Variants in ELMO1 observed in about 807,000 individuals in gnomAD.
ELMO1 encodes engulfment and cell motility protein 1.
In ELMO1, 26 loss-of-function variants were observed where a neutral mutation model predicts 98.9. That is an observed-to-expected ratio of 0.26 (90% CI 0.19 to 0.36). ELMO1 has a LOEUF of 0.36. ELMO1 is among the 10% of genes least tolerant of loss of function. The pLI, the probability that ELMO1 is intolerant of heterozygous loss-of-function variation, is 1.00. For synonymous variants in ELMO1, 346 were observed against 346.0 expected (o/e 1.00, Z 0.00); for missense variants, 627 against 935.2 (o/e 0.67, Z 4.30).
At chr7:36,869,701 G>T (rs1803348257) in intron 20 of ELMO1, among the ~76,000 whole-genome samples, 1 of 152,202 alleles carries the variant, frequency 6.6e-6, no homozygotes. Flanking sequence ...GCGGGCAAAA[G>T]AAATTCTTCT....
At chr7:36,967,728 G>A (rs1789566755) in intron 16 of ELMO1, among the ~76,000 whole-genome samples, 1 of 152,190 alleles carries the variant, frequency 6.6e-6, no homozygotes, top group East Asian at 1.9e-4. Context: ...AAAAGACCCA[G>A]TGATGGAAAC....
intron 1 of ELMO1, among the ~76,000 whole-genome samples, chr7:37,345,267 G>A (rs1800940235): frequency 6.6e-6 from 1 of 152,152 alleles, no homozygotes; most frequent in Non-Finnish European, 1.5e-5. Context: ...ATATACAGCA[G>A]CAAATCTGGG....
chr7:37,348,513 T>C (rs1801114440), intron 1 of ELMO1, among the ~76,000 whole-genome samples: 1 of 152,196 alleles, frequency 6.6e-6, no homozygotes, highest in Non-Finnish European at 1.5e-5. Flanking sequence ...CACCTCGATA[T>C]GCATGTTAAG....
chr7:37,318,170 T>C (rs1199114061), intron 2 of ELMO1, among the ~76,000 whole-genome samples: 1 of 152,208 alleles, frequency 6.6e-6, no homozygotes, highest in Non-Finnish European at 1.5e-5. Flanking sequence ...TGGCTCTTGC[T>C]GTGAGCTGAG....
Position 36,885,472 on chromosome 7 carries a change from G to A in ELMO1, c.1714+2088C>T, listed in dbSNP as rs540676823. Among the ~76,000 whole-genome samples the A allele has an allele frequency of 3.3e-5, 5 of 152,322 alleles. No individual in the cohort carries two copies. In the East Asian group the frequency reaches 9.7e-4, roughly 29 times the overall value. Reference sequence around the variant, plus strand: ...AGACTAGAAGGTTAAATTGGTGCTAGGAGCTAGGTTGTGAGGGACTCTAGC... The same window carrying A: ...AGACTAGAAGGTTAAATTGGTGCTAAGAGCTAGGTTGTGAGGGACTCTAGC... On this transcript the variant is annotated intron_variant, in intron 18 of 21. Transcript: ENST00000310758.
chr7:37,389,723 C>G (rs963484560), intron 1 of ELMO1, among the ~76,000 whole-genome samples: 1 of 152,170 alleles, frequency 6.6e-6, no homozygotes, highest in Non-Finnish European at 1.5e-5. Context: ...ATCCAGTTCT[C>G]CTTTAACCAT....
intron 1 of ELMO1, among the ~76,000 whole-genome samples, chr7:37,394,312 G>A (rs1803200276): frequency 6.6e-6 from 1 of 152,202 alleles, no homozygotes; most frequent in Non-Finnish European, 1.5e-5. Flanking sequence ...CCTGAAAGAA[G>A]CTGTAAATAA....
intron 1 of ELMO1, among the ~76,000 whole-genome samples, chr7:37,386,983 TTGTTC>T (rs988474242): frequency 2.6e-5 from 4 of 152,220 alleles, no homozygotes; most frequent in Admixed American, 1.3e-4. Context: ...TTGTTTTGTT[TTGTTC>T]CTGCTCCCCA....
At chr7:37,284,735 T>C (rs556973071) in intron 4 of ELMO1, among the ~76,000 whole-genome samples, 1 of 151,422 alleles carries the variant, frequency 6.6e-6, no homozygotes, top group Non-Finnish European at 1.5e-5. Flanking sequence ...AGAGATGCAA[T>C]CAACATTTTA....
intron 15 of ELMO1, among the ~76,000 whole-genome samples, chr7:37,088,440 A>G (rs1460079419): frequency 6.6e-6 from 1 of 152,242 alleles, no homozygotes. Flanking sequence ...TGGTATCTCT[A>G]AGCTTGTGCA....
chr7:37,161,905 AATATATATATAT>A lies in ELMO1; in HGVS notation c.1087-28683_1087-28672del, dbSNP rs6150082. On this transcript the variant is annotated intron_variant, in intron 13 of 21. Transcript: ENST00000310758. ...ATTATAGAAAGCCTTCAGGTAATCA[AATATATATATAT>A]ATATATATATATATATATGTTAAGC... Among the ~76,000 whole-genome samples the A allele has an allele frequency of 2.3e-3, 98 of 42,440 alleles. 10 individuals are homozygous for A. Among genetic ancestry groups the A allele is most frequent in the African/African-American group, 5.4e-3 (75 of 13,928 alleles). 27.8% of individuals were successfully genotyped at this position (42,440 alleles called of 152,430 possible).
intron 15 of ELMO1, among the ~76,000 whole-genome samples, chr7:37,035,684 C>T (rs1342298767): frequency 6.6e-6 from 1 of 152,148 alleles, no homozygotes; most frequent in Non-Finnish European, 1.5e-5. Flanking sequence ...AGTGGTACTT[C>T]CTATGGGTCC....
intron 16 of ELMO1, among the ~76,000 whole-genome samples, chr7:36,926,506 C>A (rs893222151): frequency 1.3e-5 from 2 of 152,124 alleles, no homozygotes; most frequent in Non-Finnish European, 2.9e-5. Flanking sequence ...ACCCCCCCAA[C>A]TGAGGTTGGA....
chr7:36,898,175 T>G (rs1806186842), intron 16 of ELMO1, among the ~76,000 whole-genome samples: 1 of 152,278 alleles, frequency 6.6e-6, no homozygotes, highest in Non-Finnish European at 1.5e-5. Flanking sequence ...GCTTTATGTC[T>G]CTGTTAATGT....
At chr7:37,214,041 T>C (rs1272831896) in intron 11 of ELMO1, among the ~76,000 whole-genome samples, 1 of 152,094 alleles carries the variant, frequency 6.6e-6, no homozygotes, top group Non-Finnish European at 1.5e-5. Flanking sequence ...CTGTTAACAA[T>C]TAAATGAAAG....
chr7:37,159,645 G>A (rs1471942750), intron 13 of ELMO1, among the ~76,000 whole-genome samples: 1 of 152,038 alleles, frequency 6.6e-6, no homozygotes, highest in East Asian at 1.9e-4. Context: ...GTTGCTGTGA[G>A]CCAAGATCAT....
chr7:37,046,031 C>T (rs1288846365), intron 15 of ELMO1, among the ~76,000 whole-genome samples: 1 of 152,114 alleles, frequency 6.6e-6, no homozygotes, highest in Non-Finnish European at 1.5e-5. Context: ...TGGATTAAGC[C>T]CACAGAAGCA....
At chr7:37,065,306 G>A (rs1796898361) in intron 15 of ELMO1, among the ~76,000 whole-genome samples, 1 of 151,786 alleles carries the variant, frequency 6.6e-6, no homozygotes, top group African/African-American at 2.4e-5. Context: ...GCATCCACCT[G>A]TGGCTACCAT....
At chr7:36,874,575 G>A (rs1803789015) in intron 19 of ELMO1, among the ~76,000 whole-genome samples, 1 of 152,164 alleles carries the variant, frequency 6.6e-6, no homozygotes, top group South Asian at 2.1e-4. Context: ...CTGTGCTTTG[G>A]TGACCCAAAT....
Sources: gnomAD v4.1 joint callset for allele counts (sites outside exome capture counted in the v4.1 genomes callset) on GRCh38, gnomAD v4.1.1 for gene constraint, MANE v1.5 for transcripts, NCBI Gene and HGNC (gene_info 2026-07-23, HGNC 2026-07-21) for gene names.